The following PARP4 variants were observed in gnomAD, a reference collection of about 807,000 sequenced individuals.
The protein encoded by PARP4 is poly(ADP-ribose) polymerase family member 4.
In PARP4, 120 loss-of-function variants were observed where a neutral mutation model predicts 187.7. The observed-to-expected ratio is 0.64, with a 90% CI of 0.55 to 0.74. The LOEUF (loss-of-function observed/expected upper bound fraction) is 0.74, where lower values mean the gene tolerates loss of function less well. Ranked by LOEUF, PARP4 falls within the 30% of genes least tolerant of loss-of-function variation. The pLI is 0.00. For missense variants in PARP4, 1,836 were observed against 2,070.5 expected, an observed-to-expected ratio of 0.89 and a Z score of 2.20; for synonymous variants, 654 against 740.9, an observed-to-expected ratio of 0.88 and a Z score of 1.90.
intron 27 of PARP4, among the ~76,000 whole-genome samples, chr13:24,445,620 T>A (rs1267382803): frequency 6.6e-6 from 1 of 152,254 alleles, no homozygotes; most frequent in Non-Finnish European, 1.5e-5. Flanking sequence ...GGCCTTACCC[T>A]GTATACCTCT....
Position 24,469,068 on chromosome 13 carries a change from C to G in PARP4, c.2089G>C (p.Val697Leu). ...EEAQQEYLEA[V>L]TQGHGAYLMS... is the part of the protein sequence containing the mutation. ...AGGTAAGCGCCATGGCCCTGGGTCACGGCTTCTAGGTACTCTTGCTGGGCT... is the reference window on the plus strand; with the variant it reads ...AGGTAAGCGCCATGGCCCTGGGTCAGGGCTTCTAGGTACTCTTGCTGGGCT... The change falls in exon 17 of 34, where the codon GTG becomes CTG. Residue 697 changes from valine to leucine, a missense_variant. Val to Leu is a conservative substitution (Grantham distance 32, BLOSUM62 1). Coordinates refer to ENST00000381989, the MANE Select transcript of PARP4 (RefSeq NM_006437.4). 1 of 1,613,930 alleles carries G rather than the reference C, an allele frequency of 6.2e-7. No homozygotes were observed. Among genetic ancestry groups the G allele is most frequent in the Non-Finnish European group, 8.5e-7 (1 of 1,179,824 alleles).
Position 24,501,687 on chromosome 13 carries a change from GATC to G in PARP4, c.277_279del (p.Asp93del), listed in dbSNP as rs778700936. ...GGTGTGATGTCCAGGGGCTTATAAG[GATC>G]ATAATTCTTTACATCCAAGAGTCTC... On this transcript the variant is annotated inframe_deletion, in exon 3 of 34. Transcript: ENST00000381989. 59 of 1,613,372 alleles carry G rather than the reference GATC, an allele frequency of 3.7e-5. No individual in the cohort carries two copies. In the African/African-American group the frequency reaches 7.3e-4, roughly 20 times the overall value.
At chr13:24,424,828 C>T (rs1253533225) in intron 33 of PARP4, among the ~76,000 whole-genome samples, 1 of 141,330 alleles carries the variant, frequency 7.1e-6, no homozygotes, top group Non-Finnish European at 1.5e-5. Flanking sequence ...CCCGCCATCA[C>T]ACCTGGCGAA....
At position 24,449,834 on chromosome 13, in the gene PARP4, TG is replaced by T; in HGVS notation, c.3015-18del. On this transcript the variant is annotated intron_variant, in intron 24 of 33. Transcript: ENST00000381989. ...GCTGTAGAACTGATCACATTTCACATGTTTTAATTTTGAAGACATTAGAAAT... is the reference window on the plus strand; with the variant it reads ...GCTGTAGAACTGATCACATTTCACATTTTTAATTTTGAAGACATTAGAAAT... 6.8e-7 allele frequency: 1 copy of T among 1,474,378 alleles called. No individual in the cohort carries two copies. The highest frequency in any genetic ancestry group is 1.7e-4 in the Middle Eastern group (1 of 5,732). 91.3% of individuals were successfully genotyped at this position (1,474,378 alleles called of 1,614,324 possible).
In PARP4 at chr13:24,424,838, AT is replaced by A. The variant is rs377486554; in HGVS notation, c.4979+1627del. Among the ~76,000 whole-genome samples, 384 of 146,102 alleles carry A rather than the reference AT, an allele frequency of 2.6e-3. 1 individual carries two copies. The highest frequency in any genetic ancestry group is 3.6e-3 in the Middle Eastern group (1 of 274). ...AGGCACCCGCCATCACACCTGGCGA[AT>A]TTTTTTTTTTTTTTGTATTTTTTTT... On this transcript the variant is annotated intron_variant, in intron 33 of 33. Transcript: ENST00000381989.
intron 15 of PARP4, among the ~76,000 whole-genome samples, chr13:24,473,258 T>C (rs1489847548): frequency 6.6e-6 from 1 of 152,154 alleles, no homozygotes; most frequent in Admixed American, 6.5e-5. Flanking sequence ...AAAATGTGTA[T>C]ATTTTAGTAG....
intron 2 of PARP4, 42 bp downstream of exon 2, chr13:24,503,603 G>C (rs138319355): frequency 5.6e-6 from 9 of 1,605,248 alleles, no homozygotes; most frequent in Non-Finnish European, 6.8e-6. Flanking sequence ...CCCTGAATGC[G>C]CAATGTTTTA....
At chr13:24,424,979 G>A (rs560463331) in intron 33 of PARP4, among the ~76,000 whole-genome samples, 161 of 151,652 alleles carry the variant, frequency 1.1e-3, no homozygotes, top group African/African-American at 3.4e-3. Context: ...CACCGCGCCC[G>A]GCCAGTACTA....
chr13:24,452,153 G>A (rs1407650980), intron 24 of PARP4: 2 of 404,206 alleles, frequency 4.9e-6, no homozygotes, highest in East Asian at 8.1e-5. Flanking sequence ...TAGGAGGTAG[G>A]TATTTTCATT....
intron 1 of PARP4, among the ~76,000 whole-genome samples, chr13:24,510,571 A>AAAAAAAT (rs1869961212): frequency 6.7e-6 from 1 of 150,188 alleles, no homozygotes; most frequent in Admixed American, 6.6e-5. Flanking sequence ...AAAAAAAAAA[A>AAAAAAAT]GTGTTCACTA....
intron 15 of PARP4, 60 bp from the exon 16 acceptor site, chr13:24,470,085 C>G: frequency 6.9e-7 from 1 of 1,458,712 alleles, no homozygotes. Flanking sequence ...TTTGCAGGAA[C>G]AAGGACGAAC....
chr13:24,462,651 T>A (rs191678722), intron 17 of PARP4, among the ~76,000 whole-genome samples: 1 of 152,146 alleles, frequency 6.6e-6, no homozygotes, highest in Non-Finnish European at 1.5e-5. Context: ...TGAAAAGACA[T>A]ACAGAAAAGG....
chr13:24,432,022 C>T (rs757371148), intron 31 of PARP4, among the ~76,000 whole-genome samples: 8 of 152,188 alleles, frequency 5.3e-5, no homozygotes, highest in Non-Finnish European at 8.8e-5. Context: ...CCACCATACC[C>T]GGCCGAGATT....
At chr13:24,425,919 G>A (rs747057581) in intron 33 of PARP4, among the ~76,000 whole-genome samples, 1 of 152,084 alleles carries the variant, frequency 6.6e-6, no homozygotes, top group Non-Finnish European at 1.5e-5. Flanking sequence ...CCCTCTTAGG[G>A]TGCTGGGGGT....
At chr13:24,503,814 G>A (rs148675037) in intron 1 of PARP4, 37 bp from the exon 2 acceptor site, 1 of 1,582,008 alleles carries the variant, frequency 6.3e-7, no homozygotes, top group East Asian at 2.2e-5. Flanking sequence ...CCTCTCTTAA[G>A]TCAATATGAC....
chr13:24,501,949 T>G lies in PARP4; in HGVS notation c.133-115A>C, dbSNP rs1869319993. ...TATTAAGGTAGTTTGTGATAATCTT[T>G]CTCAAATTTCGAAAAACCTCTATAA... On this transcript the variant is annotated intron_variant, in intron 2 of 33. Coordinates refer to ENST00000381989, the MANE Select transcript of PARP4 (RefSeq NM_006437.4). 8.9e-6 allele frequency: 6 copies of G among 671,228 alleles called. No individual in the cohort carries two copies. In the South Asian group the frequency reaches 1.2e-4, roughly 13 times the overall value. The allele number at this position is 671,228 out of a possible 1,614,324, so 41.6% of individuals were successfully genotyped here. A position where few individuals can be genotyped will look rare whatever the true frequency, so the allele number is the denominator to read the frequency against.
chr13:24,498,282 A>C, intron 5 of PARP4, 53 bp from the exon 6 acceptor site: 2 of 1,031,934 alleles, frequency 1.9e-6, no homozygotes, highest in Non-Finnish European at 3.0e-6. Context: ...ATCAAACTAC[A>C]TGTGCCATTT....
At chr13:24,476,848 T>C (rs1481136208) in intron 14 of PARP4, among the ~76,000 whole-genome samples, 1 of 152,204 alleles carries the variant, frequency 6.6e-6, no homozygotes, top group East Asian at 1.9e-4. Context: ...ACATGGCAAT[T>C]TACTCAGTGC....
chr13:24,479,868 T>C (rs6490939), intron 12 of PARP4, among the ~76,000 whole-genome samples: 77,256 of 151,878 alleles, frequency 0.51, 19,952 homozygotes, highest in South Asian at 0.64. Flanking sequence ...CACACTGCCT[T>C]TATGAGCTGT....
Sources: gnomAD v4.1 joint callset for allele counts (sites outside exome capture counted in the v4.1 genomes callset) on GRCh38, gnomAD v4.1.1 for gene constraint, MANE v1.5 for transcripts, NCBI Gene and HGNC (gene_info 2026-07-23, HGNC 2026-07-21) for gene names.